TACC2: variants seen among roughly 807,000 people sequenced by gnomAD.
TACC2 encodes the protein transforming acidic coiled-coil containing protein 2.
A neutral mutation model predicts 227.3 loss-of-function variants in TACC2; 137 were observed. The observed-to-expected ratio is 0.60, with a 90% confidence interval of 0.52 to 0.69. The LOEUF is 0.69. TACC2 is among the 30% of genes least tolerant of loss of function. The pLI is 0.00. For missense variants in TACC2, 3,470 were observed against 3,694.4 expected (o/e 0.94, Z 1.57); for synonymous variants, 1,523 against 1,487.5 (o/e 1.02, Z -0.55).
At chr10:122,224,029 A>G (rs905568180) in intron 11 of TACC2, among the ~76,000 whole-genome samples, 2 of 152,178 alleles carry the variant, frequency 1.3e-5, no homozygotes, top group African/African-American at 4.8e-5. Flanking sequence ...CTTAGTTTCC[A>G]GGTACTCGAG....
intron 14 of TACC2, among the ~76,000 whole-genome samples, chr10:122,229,042 C>G (rs988068652): frequency 2.6e-5 from 4 of 152,096 alleles, no homozygotes; most frequent in African/African-American, 4.8e-5. Context: ...AGCTAACTGG[C>G]CTTTCACCTT....
At position 122,084,973 on chromosome 10, in the gene TACC2, T is replaced by C; in HGVS notation, c.2473T>C (p.Ser825Pro). 3.7e-6 allele frequency: 6 copies of C among 1,614,100 alleles called. No individual in the cohort carries two copies. Among genetic ancestry groups the C allele is most frequent in the Non-Finnish European group, 5.1e-6 (6 of 1,180,016 alleles). Residue 825 changes from serine to proline, a missense_variant, in exon 4 of 23, where the codon TCT becomes CCT. Around this residue, in one of 10 missense-constraint regions of TACC2, gnomAD observed 1,924 missense variants for 1,978.3 expected, o/e 0.97. Transcript: ENST00000369005. Reference protein sequence around the residue: ...RGAASEWPLLSSEKHLQPSQA... With the variant: ...RGAASEWPLLPSEKHLQPSQA... ...AGCTGCATCCGAGTGGCCCCTACTA[T>C]CTTCTGAGAAGCATCTCCAGCCATC...
chr10:122,157,921 G>A (rs2092590773), intron 7 of TACC2, among the ~76,000 whole-genome samples: 2 of 152,036 alleles, frequency 1.3e-5, no homozygotes, highest in Admixed American at 1.3e-4. Context: ...AACGTGGTAT[G>A]TGTGTTACTG....
chr10:122,073,347 C>T (rs535535800), intron 3 of TACC2, among the ~76,000 whole-genome samples: 1 of 151,988 alleles, frequency 6.6e-6, no homozygotes, highest in Admixed American at 6.6e-5. Context: ...GGTTTGAGAA[C>T]TCCATGTGTT....
chr10:122,055,203 G>C (rs142792622), intron 3 of TACC2, among the ~76,000 whole-genome samples: 3,735 of 151,804 alleles, frequency 0.025, 70 homozygotes, highest in African/African-American at 0.054. Context: ...CTGGGTGACA[G>C]AGCAAGACGC....
At chr10:122,193,012 T>C (rs2094461054) in intron 7 of TACC2, among the ~76,000 whole-genome samples, 3 of 152,240 alleles carry the variant, frequency 2.0e-5, no homozygotes, top group Non-Finnish European at 4.4e-5. Context: ...GATCTGTTGT[T>C]GTGCAAGTGC....
intron 3 of TACC2, chr10:122,078,949 C>A (rs1316773852): frequency 6.6e-6 from 1 of 152,148 alleles, no homozygotes; most frequent in African/African-American, 2.4e-5. Flanking sequence ...TACAAGATGC[C>A]AAAATATAAT....
At chr10:122,071,719 C>A (rs375311816) in intron 3 of TACC2, among the ~76,000 whole-genome samples, 676 of 108,266 alleles carry the variant, frequency 6.2e-3, no homozygotes, top group Non-Finnish European at 7.1e-3. Context: ...ACTAAAAATA[C>A]AAAAAAAAAA....
intron 5 of TACC2, among the ~76,000 whole-genome samples, chr10:122,126,095 A>G (rs2086793199): frequency 1.2e-5 from 1 of 86,348 alleles, no homozygotes; most frequent in South Asian, 4.8e-4. Context: ...CCTTCTTCAC[A>G]CTCCCCACCG....
chr10:122,091,694 C>T (rs904792693), intron 5 of TACC2, among the ~76,000 whole-genome samples: 1 of 152,040 alleles, frequency 6.6e-6, no homozygotes, highest in Admixed American at 6.6e-5. Context: ...ATGAGGAAGC[C>T]GTGCACGTGG....
intron 1 of TACC2, among the ~76,000 whole-genome samples, chr10:122,005,000 A>C (rs185431574): frequency 4.4e-4 from 67 of 151,966 alleles, no homozygotes; most frequent in African/African-American, 1.6e-3. Context: ...CCCAGTTATC[A>C]CTTGGTTGGA....
chr10:122,068,214 G>A (rs2077596754), intron 3 of TACC2, among the ~76,000 whole-genome samples: 1 of 151,876 alleles, frequency 6.6e-6, no homozygotes, highest in South Asian at 2.1e-4. Flanking sequence ...TGACATACTC[G>A]GTCTTCCCTC....
intron 22 of TACC2, among the ~76,000 whole-genome samples, chr10:122,252,476 T>G (rs1255876155): frequency 6.6e-6 from 1 of 151,248 alleles, no homozygotes; most frequent in Admixed American, 6.6e-5. Context: ...ATAGTGGCAA[T>G]GAGAGTTTTT....
At position 122,119,674 on chromosome 10, in the gene TACC2, G is replaced by C. The variant is rs559688831; in HGVS notation, c.5574-12935G>C. On this transcript the variant is annotated intron_variant, in intron 5 of 22. Transcript: ENST00000369005. ...CACTCCTGTAATCCCAGCATGTTGG[G>C]AGGCCAAGACGGGTGGATCACCAAA... 1.2e-4 allele frequency among the ~76,000 whole-genome samples: 18 copies of C among 152,342 alleles called. No homozygotes were observed. The South Asian group carries it at 3.3e-3, about 28-fold the overall frequency.
chr10:122,187,181 GA>G (rs1365927932), intron 7 of TACC2, among the ~76,000 whole-genome samples: 2 of 152,232 alleles, frequency 1.3e-5, no homozygotes, highest in Admixed American at 6.5e-5. Flanking sequence ...AGTTTCAGCA[GA>G]CACATGTATG....
intron 22 of TACC2, 87 bp downstream of exon 22, chr10:122,249,751 C>A: frequency 6.9e-6 from 10 of 1,455,976 alleles, no homozygotes; most frequent in Non-Finnish European, 8.3e-6. Context: ...GCTGGGCTTC[C>A]CTGGCCACTG....
intron 5 of TACC2, chr10:122,127,069 G>T: frequency 1.2e-5 from 2 of 161,022 alleles, no homozygotes; most frequent in South Asian, 3.6e-4. Flanking sequence ...AGCTGTCTGT[G>T]AACTAGGAAG....
chr10:122,061,228 G>A (rs1353839544), intron 3 of TACC2, among the ~76,000 whole-genome samples: 2 of 142,530 alleles, frequency 1.4e-5, no homozygotes, highest in African/African-American at 5.3e-5. Flanking sequence ...GCAGAATGGC[G>A]TGAACCCGGG....
At chr10:122,219,398 C>G (rs1389142339) in intron 11 of TACC2, among the ~76,000 whole-genome samples, 9 of 152,218 alleles carry the variant, frequency 5.9e-5, no homozygotes, top group Non-Finnish European at 1.0e-4. Context: ...TGCTTCCCAA[C>G]TAGCTTGTAT....
Sources: allele counts gnomAD v4.1 joint callset (sites outside exome capture counted in the v4.1 genomes callset), GRCh38; gene constraint gnomAD v4.1.1; regional missense constraint gnomAD v4.1.1; transcripts MANE v1.5; gene names NCBI Gene and HGNC (gene_info 2026-07-23, HGNC 2026-07-21).